The following LRRC4C variants were observed in gnomAD, a reference collection of about 807,000 sequenced individuals.
The protein encoded by LRRC4C is leucine-rich repeat-containing protein 4C.
A neutral mutation model predicts 33.6 loss-of-function variants in LRRC4C; 5 were observed. That is an observed-to-expected ratio of 0.15 (90% CI 0.08 to 0.31). The LOEUF is 0.31. LRRC4C is among the 10% of genes least tolerant of loss of function. LRRC4C has a pLI of 1.00. For synonymous variants in LRRC4C, 329 were observed against 302.0 expected, an observed-to-expected ratio of 1.09 and a Z score of -0.93; for missense variants, 560 against 796.7, an observed-to-expected ratio of 0.70 and a Z score of 3.58.
intron 1 of LRRC4C, among the ~76,000 whole-genome samples, chr11:41,227,503 G>A (rs976491275): frequency 6.6e-6 from 1 of 151,896 alleles, no homozygotes; most frequent in African/African-American, 2.4e-5. Context: ...TTTACATTTT[G>A]CTTTTATTTT....
intron 1 of LRRC4C, among the ~76,000 whole-genome samples, chr11:41,007,604 C>T (rs1351059738): frequency 6.6e-6 from 1 of 152,012 alleles, no homozygotes; most frequent in Non-Finnish European, 1.5e-5. Context: ...AGTAAGTGTC[C>T]ATCAGCAGAA....
intron 5 of LRRC4C, among the ~76,000 whole-genome samples, chr11:40,185,755 G>A (rs1181819096): frequency 6.6e-6 from 1 of 152,156 alleles, no homozygotes; most frequent in Admixed American, 6.5e-5. Context: ...ATAAAGTAAT[G>A]GAGATTAAGT....
At chr11:40,785,387 T>C (rs898487156) in intron 2 of LRRC4C, among the ~76,000 whole-genome samples, 1 of 152,208 alleles carries the variant, frequency 6.6e-6, no homozygotes, top group African/African-American at 2.4e-5. Flanking sequence ...TAACTCTTAA[T>C]TTGATTCTTA....
At chr11:40,681,911 T>C (rs1944708194) in intron 2 of LRRC4C, among the ~76,000 whole-genome samples, 2 of 152,176 alleles carry the variant, frequency 1.3e-5, no homozygotes, top group East Asian at 1.9e-4. Flanking sequence ...CACAGAGGCA[T>C]AAAAATGATT....
intron 5 of LRRC4C, among the ~76,000 whole-genome samples, chr11:40,207,037 A>G (rs1167293389): frequency 6.6e-6 from 1 of 152,186 alleles, no homozygotes; most frequent in African/African-American, 2.4e-5. Context: ...CCCTCCATAC[A>G]TCAAACAATT....
chr11:40,837,420 A>C (rs1324111449), intron 2 of LRRC4C, among the ~76,000 whole-genome samples: 1 of 152,158 alleles, frequency 6.6e-6, no homozygotes, highest in Non-Finnish European at 1.5e-5. Flanking sequence ...CCATAGGTAC[A>C]ATAATAATTG....
intron 5 of LRRC4C, among the ~76,000 whole-genome samples, chr11:40,153,219 G>A (rs1236737375): frequency 6.6e-6 from 1 of 152,144 alleles, no homozygotes; most frequent in Non-Finnish European, 1.5e-5. Flanking sequence ...CTCACAGGAA[G>A]CCATGTCCAT....
At chr11:40,727,908 G>C (rs986488906) in intron 2 of LRRC4C, among the ~76,000 whole-genome samples, 1 of 151,972 alleles carries the variant, frequency 6.6e-6, no homozygotes. Context: ...AATGAGCCGA[G>C]TGTGATAAAA....
chr11:41,260,118 A>ATGC (rs1775028133), intron 1 of LRRC4C, among the ~76,000 whole-genome samples: 1 of 152,078 alleles, frequency 6.6e-6, no homozygotes, highest in African/African-American at 2.4e-5. Flanking sequence ...TCATAGGGAT[A>ATGC]TGCTGCCTTT....
At chr11:40,382,123 A>ATTTTTTTT (rs77934711) in intron 3 of LRRC4C, among the ~76,000 whole-genome samples, 46 of 99,978 alleles carry the variant, frequency 4.6e-4, no homozygotes, top group Non-Finnish European at 5.4e-4. Flanking sequence ...TGCCCGGCTA[A>ATTTTTTTT]TTTTTTTTTT....
At chr11:40,559,077 T>G (rs1021578259) in intron 3 of LRRC4C, among the ~76,000 whole-genome samples, 1 of 152,200 alleles carries the variant, frequency 6.6e-6, no homozygotes, top group Non-Finnish European at 1.5e-5. Context: ...ATGGTTTATA[T>G]GTACCACATT....
intron 2 of LRRC4C, among the ~76,000 whole-genome samples, chr11:40,841,357 C>A (rs1952904306): frequency 3.3e-5 from 5 of 152,152 alleles, no homozygotes; most frequent in Admixed American, 3.3e-4. Flanking sequence ...TACGCATACC[C>A]CTTCTCTCCC....
intron 3 of LRRC4C, among the ~76,000 whole-genome samples, chr11:40,320,472 C>G (rs1945789766): frequency 6.6e-6 from 1 of 152,030 alleles, no homozygotes; most frequent in African/African-American, 2.4e-5. Context: ...CGCCACTGCA[C>G]TCCAGCCTGG....
chr11:40,873,948 T>C (rs1461941109), intron 2 of LRRC4C, among the ~76,000 whole-genome samples: 1 of 152,218 alleles, frequency 6.6e-6, no homozygotes, highest in Non-Finnish European at 1.5e-5. Context: ...ATATCCAGTC[T>C]TTGTACCATT....
intron 3 of LRRC4C, among the ~76,000 whole-genome samples, chr11:40,502,024 A>T (rs1346849679): frequency 6.6e-6 from 1 of 152,120 alleles, no homozygotes; most frequent in Non-Finnish European, 1.5e-5. Flanking sequence ...ATCTCTCTCA[A>T]GTTCAAAGTT....
chr11:40,309,465 G>A (rs1264722133), intron 4 of LRRC4C, among the ~76,000 whole-genome samples: 1 of 151,470 alleles, frequency 6.6e-6, no homozygotes, highest in Non-Finnish European at 1.5e-5. Context: ...ATTATTACAG[G>A]GTAGAATATT....
intron 1 of LRRC4C, among the ~76,000 whole-genome samples, chr11:41,182,012 A>G (rs1455058312): frequency 6.6e-6 from 1 of 152,188 alleles, no homozygotes; most frequent in Non-Finnish European, 1.5e-5. Flanking sequence ...TTTCAGTATA[A>G]GTGCATCCCA....
intron 4 of LRRC4C, among the ~76,000 whole-genome samples, chr11:40,295,374 C>G (rs543566231): frequency 6.6e-6 from 1 of 151,894 alleles, no homozygotes; most frequent in Non-Finnish European, 1.5e-5. Context: ...TTTGTATGCC[C>G]TAAGTGATGA....
intron 1 of LRRC4C, among the ~76,000 whole-genome samples, chr11:41,163,304 A>ATTTTTTTTTTTTTTTG (rs1565440667): frequency 1.9e-5 from 2 of 105,256 alleles, no homozygotes; most frequent in Non-Finnish European, 1.8e-5. Context: ...TTTTTTTTCA[A>ATTTTTTTTTTTTTTTG]ACAGGGTCTT....
Sources: gnomAD v4.1 joint callset for allele counts (sites outside exome capture counted in the v4.1 genomes callset) on GRCh38, gnomAD v4.1.1 for gene constraint, MANE v1.5 for transcripts, NCBI Gene and HGNC (gene_info 2026-07-23, HGNC 2026-07-21) for gene names.